Variants in GRM8 observed in about 807,000 individuals in gnomAD.
GRM8 encodes the protein glutamate metabotropic receptor 8.
In GRM8, 47 loss-of-function variants were observed where a neutral mutation model predicts 87.2. The ratio of observed to expected loss-of-function variants is 0.54; its 90% CI spans 0.43 to 0.69. GRM8 has a LOEUF of 0.69. Ranked by LOEUF, GRM8 falls within the 30% of genes least tolerant of loss-of-function variation. GRM8 has a pLI of 0.00. For synonymous variants in GRM8, 396 were observed against 404.5 expected (o/e 0.98, Z 0.25); for missense variants, 1,019 against 1,139.2 (o/e 0.89, Z 1.52).
At chr7:126,762,263 G>A (rs947079250) in intron 7 of GRM8, among the ~76,000 whole-genome samples, 2 of 151,706 alleles carry the variant, frequency 1.3e-5, no homozygotes, top group African/African-American at 4.8e-5. Context: ...TGTAAAGAAC[G>A]CCTTTGACTT....
At chr7:126,492,506 G>A (rs1437626900) in intron 9 of GRM8, among the ~76,000 whole-genome samples, 1 of 152,042 alleles carries the variant, frequency 6.6e-6, no homozygotes, top group Non-Finnish European at 1.5e-5. Context: ...ACAAGGGCAT[G>A]GTCACAGGGT....
intron 3 of GRM8, among the ~76,000 whole-genome samples, chr7:126,915,077 C>G (rs190879034): frequency 6.6e-6 from 1 of 152,198 alleles, no homozygotes; most frequent in Non-Finnish European, 1.5e-5. Context: ...TCAGCGTCCA[C>G]GCTGGGCTCT....
intron 9 of GRM8, among the ~76,000 whole-genome samples, chr7:126,499,450 A>G (rs1341331573): frequency 6.6e-6 from 1 of 151,830 alleles, no homozygotes; most frequent in Non-Finnish European, 1.5e-5. Context: ...ATGATCCAAC[A>G]ATCTTACTAC....
chr7:126,456,936 CA>C (rs1392914127), intron 9 of GRM8, among the ~76,000 whole-genome samples: 2 of 151,386 alleles, frequency 1.3e-5, no homozygotes, highest in Non-Finnish European at 3.0e-5. Context: ...CAAACAACAA[CA>C]AAAACTAAAC....
chr7:127,200,061 T>G (rs1795502963), intron 2 of GRM8, among the ~76,000 whole-genome samples: 1 of 152,180 alleles, frequency 6.6e-6, no homozygotes, highest in African/African-American at 2.4e-5. Context: ...AACAAAACTT[T>G]CAGATCAGTT....
intron 3 of GRM8, chr7:126,981,339 G>C (rs1811507765): frequency 6.6e-6 from 1 of 152,118 alleles, no homozygotes; most frequent in Non-Finnish European, 1.5e-5. Context: ...CTCTATATAT[G>C]TCAGTTTTTT....
intron 1 of GRM8, among the ~76,000 whole-genome samples, chr7:127,244,939 C>G (rs980541372): frequency 6.6e-6 from 1 of 152,156 alleles, no homozygotes; most frequent in Non-Finnish European, 1.5e-5. Flanking sequence ...ACAAGTATTC[C>G]CTGCCTCCGG....
At chr7:126,532,764 G>GATATATATATATATAT (rs521) in intron 9 of GRM8, among the ~76,000 whole-genome samples, 188 bp downstream of exon 9, 3 of 111,004 alleles carry the variant, frequency 2.7e-5, no homozygotes, top group Non-Finnish European at 3.7e-5. Flanking sequence ...GACGGATGGA[G>GATATATATATATATAT]ATATATATAT....
At chr7:127,119,894 G>T (rs1220077454) in intron 2 of GRM8, among the ~76,000 whole-genome samples, 2 of 152,042 alleles carry the variant, frequency 1.3e-5, no homozygotes, top group Non-Finnish European at 2.9e-5. Context: ...TTAGGATGTG[G>T]CCTAGACTCT....
chr7:127,031,055 T>C lies in GRM8; in HGVS notation c.727+75441A>G, dbSNP rs1817311818. ...GCACTTGCATTAGGTTTGGGGCATT[T>C]GTTATATAGGATTAATTTCTTCAGC... On this transcript the variant is annotated intron_variant, in intron 3 of 10. Transcript: ENST00000339582. Among the ~76,000 whole-genome samples, 3 of 152,240 alleles carry C rather than the reference T, an allele frequency of 2.0e-5. No homozygotes were observed. The South Asian group carries it at 6.2e-4, about 32-fold the overall frequency.
chr7:127,030,776 G>A (rs1307466319), intron 3 of GRM8, among the ~76,000 whole-genome samples: 4 of 151,882 alleles, frequency 2.6e-5, no homozygotes, highest in Admixed American at 2.0e-4. Flanking sequence ...AACCTATTTC[G>A]GCCAACTTAA....
intron 7 of GRM8, among the ~76,000 whole-genome samples, chr7:126,635,539 T>G (rs1341875546): frequency 6.6e-6 from 1 of 152,162 alleles, no homozygotes; most frequent in Non-Finnish European, 1.5e-5. Context: ...AATTAAAATT[T>G]GGGTACATCA....
intron 7 of GRM8, among the ~76,000 whole-genome samples, chr7:126,675,956 G>A (rs1184818767): frequency 6.6e-6 from 1 of 152,154 alleles, no homozygotes; most frequent in Non-Finnish European, 1.5e-5. Flanking sequence ...AACTATTTCT[G>A]TTTGCTGATG....
At chr7:127,244,065 G>A (rs1386386554) in intron 1 of GRM8, among the ~76,000 whole-genome samples, 26 of 151,932 alleles carry the variant, frequency 1.7e-4, no homozygotes, top group Admixed American at 1.7e-3. Context: ...TGTAAGTTTT[G>A]TAGCTTGTGA....
At chr7:126,529,821 C>A (rs927443581) in intron 9 of GRM8, among the ~76,000 whole-genome samples, 1 of 152,066 alleles carries the variant, frequency 6.6e-6, no homozygotes, top group African/African-American at 2.4e-5. Flanking sequence ...TAATTTTTTT[C>A]TCTTTTCAGT....
intron 3 of GRM8, among the ~76,000 whole-genome samples, chr7:127,013,007 G>T (rs1251528751): frequency 1.3e-5 from 2 of 152,154 alleles, no homozygotes; most frequent in African/African-American, 4.8e-5. Flanking sequence ...GGTCATTGAG[G>T]TCATTGCTAA....
At chr7:126,654,054 A>G (rs1190372709) in intron 7 of GRM8, among the ~76,000 whole-genome samples, 1 of 152,240 alleles carries the variant, frequency 6.6e-6, no homozygotes, top group Non-Finnish European at 1.5e-5. Context: ...TCAAGAGGAA[A>G]TGTCATCCAT....
chr7:126,463,248 C>T (rs1354038344), intron 9 of GRM8, among the ~76,000 whole-genome samples: 1 of 151,494 alleles, frequency 6.6e-6, no homozygotes, highest in East Asian at 1.9e-4. Context: ...GCCATTCAAC[C>T]AGGAACTACC....
intron 3 of GRM8, among the ~76,000 whole-genome samples, chr7:127,040,630 C>T (rs926567736): frequency 6.6e-6 from 1 of 151,942 alleles, no homozygotes; most frequent in African/African-American, 2.4e-5. Flanking sequence ...AGACTGGCTA[C>T]CCAAATTAAT....
Sources: allele counts gnomAD v4.1 joint callset (sites outside exome capture counted in the v4.1 genomes callset), GRCh38; gene constraint gnomAD v4.1.1; transcripts MANE v1.5; gene names NCBI Gene and HGNC (gene_info 2026-07-23, HGNC 2026-07-21).